AJAP1: variants seen among roughly 807,000 people sequenced by gnomAD.
The protein encoded by AJAP1 is adherens junction-associated protein 1.
In AJAP1, 5 loss-of-function variants were observed where a neutral mutation model predicts 35.0. The observed-to-expected ratio is 0.14, with a 90% CI of 0.07 to 0.30. AJAP1 has a LOEUF of 0.30. Ranked by LOEUF, AJAP1 falls within the 10% of genes least tolerant of loss-of-function variation. The probability of loss-of-function intolerance (pLI) is 1.00; values close to 1 mark genes in which losing one functional copy is unlikely to be tolerated. For synonymous variants in AJAP1, 284 were observed against 249.3 expected, an observed-to-expected ratio of 1.14 and a Z score of -1.31; for missense variants, 586 against 571.0, an observed-to-expected ratio of 1.03 and a Z score of -0.27.
At chr1:4,739,655 A>G (rs956716405) in intron 2 of AJAP1, among the ~76,000 whole-genome samples, 12 of 152,272 alleles carry the variant, frequency 7.9e-5, no homozygotes, top group Middle Eastern at 3.4e-3. Flanking sequence ...CCCTTGGAGC[A>G]TATTTTTAAA....
chr1:4,755,588 C>G (rs1343241875), intron 2 of AJAP1, among the ~76,000 whole-genome samples: 3 of 152,070 alleles, frequency 2.0e-5, no homozygotes, highest in South Asian at 4.1e-4. Flanking sequence ...GGGGGTTTGA[C>G]TCAGACCTCA....
intron 2 of AJAP1, among the ~76,000 whole-genome samples, chr1:4,762,600 G>A (rs552395776): frequency 6.6e-6 from 1 of 152,246 alleles, no homozygotes; most frequent in Non-Finnish European, 1.5e-5. Context: ...ACATCCGGAA[G>A]TGCCTGGTCT....
chr1:4,790,952 G>GTTTTT lies in AJAP1; in HGVS notation c.*8471_*8472insTTTTT. 7.6e-6 allele frequency: 1 copy of GTTTTT among 131,990 alleles called. No homozygotes were observed. Among genetic ancestry groups the GTTTTT allele is most frequent in the Middle Eastern group, 5.3e-3 (1 of 190 alleles). 8.2% of individuals were successfully genotyped at this position (131,990 alleles called of 1,614,324 possible). ...TGTTTTTGTTTTTGTTTTTGTTTTTGTTTTGTTTAATTTCCTCTTCTGGCA... is the reference window on the plus strand; with the variant it reads ...TGTTTTTGTTTTTGTTTTTGTTTTTGTTTTTTTTTGTTTAATTTCCTCTTCTGGCA... On this transcript the variant is annotated 3_prime_UTR_variant, in exon 6 of 6. Coordinates refer to ENST00000378191, the MANE Select transcript of AJAP1 (RefSeq NM_018836.4).
intron 1 of AJAP1, among the ~76,000 whole-genome samples, chr1:4,665,445 A>G (rs2100508932): frequency 6.6e-6 from 1 of 152,132 alleles, no homozygotes; most frequent in East Asian, 1.9e-4. Flanking sequence ...TCACAGCTCC[A>G]GGTTCCTTCT....
intron 4 of AJAP1, among the ~76,000 whole-genome samples, chr1:4,772,809 C>T (rs71640948): frequency 2.0e-5 from 3 of 152,220 alleles, no homozygotes; most frequent in African/African-American, 4.8e-5. Flanking sequence ...AGCCCTCGCT[C>T]TGAACCGTCA....
Position 4,765,714 on chromosome 1 carries a change from C to T in AJAP1, c.830-4139C>T, listed in dbSNP as rs552379996. ...TGGCTGAAATAGTTCTAAGAGCCAT[C>T]GAAGGAATCAAACTGGTACATTTCT... On this transcript the variant is annotated intron_variant, in intron 2 of 5. Transcript: ENST00000378191. 5.2e-4 allele frequency among the ~76,000 whole-genome samples: 79 copies of T among 152,262 alleles called. 1 individual carries two copies. In the South Asian group the frequency reaches 6.6e-3, roughly 13 times the overall value.
At chr1:4,719,245 TAGTTGAC>T (rs1471883413) in intron 2 of AJAP1, among the ~76,000 whole-genome samples, 2 of 152,212 alleles carry the variant, frequency 1.3e-5, no homozygotes, top group African/African-American at 4.8e-5. Flanking sequence ...GCTCTGTACT[TAGTTGAC>T]AGTAAATGCC....
rs1570072103 is a variant in AJAP1 at position 4,655,562 on chromosome 1, C to G, written c.29+108C>G. 2 of 1,377,292 alleles carry G rather than the reference C, an allele frequency of 1.5e-6. No individual in the cohort carries two copies. Among genetic ancestry groups the G allele is most frequent in the Admixed American group, 2.2e-5 (1 of 45,808 alleles). The allele number at this position is 1,377,292 out of a possible 1,614,324, so 85.3% of individuals were successfully genotyped here. On this transcript the variant is annotated intron_variant, in intron 1 of 5. Coordinates refer to ENST00000378191, the MANE Select transcript of AJAP1 (RefSeq NM_018836.4). This position sits in a 1 kb window ranked among gnomAD's most constrained non-coding sequence, Gnocchi z 6.9. ...AATCAAGGGACCCCTCTTCGCTTCC[C>G]GCAAGCGGGCAACGGGGTGCACCGG...
chr1:4,681,982 A>G (rs1314929332), intron 1 of AJAP1, among the ~76,000 whole-genome samples: 1 of 152,210 alleles, frequency 6.6e-6, no homozygotes, highest in Non-Finnish European at 1.5e-5. Flanking sequence ...TTCATTTTAC[A>G]GATGAGGAAA....
At chr1:4,668,354 G>A (rs1375106035) in intron 1 of AJAP1, among the ~76,000 whole-genome samples, 1 of 152,160 alleles carries the variant, frequency 6.6e-6, no homozygotes, top group Non-Finnish European at 1.5e-5. Context: ...GTGTGTGTGT[G>A]TGTGTGTCTG....
In AJAP1 at chr1:4,782,225, A is replaced by G. The variant is rs1642077979; in HGVS notation, c.*60-320A>G. Among the ~76,000 whole-genome samples, 2 of 152,100 alleles carry G rather than the reference A, an allele frequency of 1.3e-5. No homozygotes were observed. The highest frequency in any genetic ancestry group is 2.1e-4 in the South Asian group (1 of 4,816). On this transcript the variant is annotated intron_variant, in intron 5 of 5. Transcript: ENST00000378191. The surrounding 1 kb of genome is among the most constrained non-coding windows in gnomAD (Gnocchi z 5.3). ...GACCGGATGCCCCGGCACCCCCACC[A>G]TGAGTTAGCGGAGGGGGTGGTCCCA...
chr1:4,678,056 A>G (rs1182514297), intron 1 of AJAP1, among the ~76,000 whole-genome samples: 4 of 152,194 alleles, frequency 2.6e-5, no homozygotes, highest in African/African-American at 7.2e-5. Context: ...TCCCACATAC[A>G]GCAGAGAAAG....
At chr1:4,768,117 GC>G (rs1478418629) in intron 2 of AJAP1, among the ~76,000 whole-genome samples, 21 of 152,340 alleles carry the variant, frequency 1.4e-4, no homozygotes, top group Admixed American at 1.2e-3. Context: ...CACAGATGGG[GC>G]ACAGGTTTAT....
chr1:4,711,953 T>A lies in AJAP1; in HGVS notation c.83T>A (p.Leu28Gln). Residue 28 changes from leucine (L) to glutamine (Q), a missense_variant, in exon 2 of 6, where the codon CTG becomes CAG. Coordinates refer to ENST00000378191, the MANE Select transcript of AJAP1 (RefSeq NM_018836.4). ...CCCCTCGGAAGCCATGCCTGGATAC[T>A]GATAGCCATGTTTCAGCTCGCCGTG... ...GRPLGSHAWI[L>Q]IAMFQLAVDL... 1 of 1,574,014 alleles carries A rather than the reference T, an allele frequency of 6.4e-7. No homozygotes were observed. The highest frequency in any genetic ancestry group is 8.6e-7 in the Non-Finnish European group (1 of 1,165,694).
At position 4,692,882 on chromosome 1, in the gene AJAP1, G is replaced by C. The variant is rs987200039; in HGVS notation, c.30-19018G>C. Reference sequence around the variant, plus strand: ...TTTTCCAAGCTCAGCCCTGTGCTCTGTGCTGGAACTGGACAGGGAAGGGAC... The same window carrying C: ...TTTTCCAAGCTCAGCCCTGTGCTCTCTGCTGGAACTGGACAGGGAAGGGAC... On this transcript the variant is annotated intron_variant, in intron 1 of 5. Coordinates refer to ENST00000378191, the MANE Select transcript of AJAP1 (RefSeq NM_018836.4). The surrounding 1 kb of genome is among the most constrained non-coding windows in gnomAD (Gnocchi z 4.4). Among the ~76,000 whole-genome samples, 1 of 152,238 alleles carries C rather than the reference G, an allele frequency of 6.6e-6. No homozygotes were observed. The highest frequency in any genetic ancestry group is 6.5e-5 in the Admixed American group (1 of 15,282).
intron 1 of AJAP1, among the ~76,000 whole-genome samples, chr1:4,695,957 T>C (rs899293830): frequency 6.6e-6 from 1 of 152,050 alleles, no homozygotes; most frequent in Admixed American, 6.5e-5. Context: ...TCTCTCGTAC[T>C]GGGGGGTTCA....
chr1:4,696,154 G>C (rs183660454), intron 1 of AJAP1, among the ~76,000 whole-genome samples: 5 of 150,554 alleles, frequency 3.3e-5, no homozygotes, highest in Admixed American at 1.3e-4. Context: ...TTTGGGTTGA[G>C]GGGGGGAGCA....
chr1:4,780,113 C>T (rs1642030524), intron 5 of AJAP1, among the ~76,000 whole-genome samples: 1 of 138,880 alleles, frequency 7.2e-6, no homozygotes. Flanking sequence ...CACTGCACTC[C>T]AGCCTGGGTG....
intron 5 of AJAP1, among the ~76,000 whole-genome samples, chr1:4,777,009 C>G (rs544136607): frequency 1.3e-5 from 2 of 152,336 alleles, no homozygotes; most frequent in African/African-American, 4.8e-5. Context: ...CACACAGCCT[C>G]GTTAGTCCTT....
Sources: gnomAD v4.1 joint callset for allele counts (sites outside exome capture counted in the v4.1 genomes callset) on GRCh38, gnomAD v4.1.1 for gene constraint, Gnocchi (gnomAD v3.1) non-coding constraint, MANE v1.5 for transcripts, NCBI Gene and HGNC (gene_info 2026-07-23, HGNC 2026-07-21) for gene names.